Variants in FCHSD2 observed in about 807,000 individuals in gnomAD.
The protein encoded by FCHSD2 is F-BAR and double SH3 domains protein 2.
Under a neutral mutation model 108.1 loss-of-function variants are expected in FCHSD2, and 38 were observed. The ratio of observed to expected loss-of-function variants is 0.35; its 90% confidence interval spans 0.27 to 0.46. FCHSD2 has a LOEUF of 0.46. Ranked by LOEUF, FCHSD2 falls within the 20% of genes least tolerant of loss-of-function variation. The probability of loss-of-function intolerance (pLI) is 1.00; values close to 1 mark genes in which losing one functional copy is unlikely to be tolerated. For missense variants in FCHSD2, 751 were observed against 897.8 expected (o/e 0.84, Z 2.09); for synonymous variants, 279 against 314.7 (o/e 0.89, Z 1.20).
chr11:73,111,909 T>G (rs1183271593), intron 2 of FCHSD2, among the ~76,000 whole-genome samples: 2 of 152,214 alleles, frequency 1.3e-5, no homozygotes, highest in Non-Finnish European at 2.9e-5. Context: ...TCCCCCTATT[T>G]TTAACTTTTG....
intron 2 of FCHSD2, among the ~76,000 whole-genome samples, chr11:73,098,328 T>G (rs1860138837): frequency 6.6e-6 from 1 of 152,200 alleles, no homozygotes; most frequent in Non-Finnish European, 1.5e-5. Context: ...TAAGAATATG[T>G]TTAATTTCTA....
At chr11:73,129,993 C>A (rs1459789251) in intron 2 of FCHSD2, among the ~76,000 whole-genome samples, 2 of 151,190 alleles carry the variant, frequency 1.3e-5, no homozygotes, top group African/African-American at 2.4e-5. Context: ...ATTCTCCTGC[C>A]TTAGCCCCCA....
chr11:73,120,986 C>T (rs1415960611), intron 2 of FCHSD2, among the ~76,000 whole-genome samples: 1 of 152,092 alleles, frequency 6.6e-6, no homozygotes, highest in Non-Finnish European at 1.5e-5. Context: ...TATTGTTCAA[C>T]GTTTGTTTAG....
chr11:72,911,471 C>CTT (rs1855763118), intron 9 of FCHSD2, among the ~76,000 whole-genome samples: 1 of 152,084 alleles, frequency 6.6e-6, no homozygotes, highest in Non-Finnish European at 1.5e-5. Flanking sequence ...TATTCTGGGT[C>CTT]TTTTGTGGTT....
chr11:72,890,599 C>T (rs1267385583), intron 10 of FCHSD2, among the ~76,000 whole-genome samples: 1 of 152,032 alleles, frequency 6.6e-6, no homozygotes, highest in Non-Finnish European at 1.5e-5. Flanking sequence ...AAAGAACAAA[C>T]CACAAAATCT....
chr11:72,966,926 C>T lies in FCHSD2; in HGVS notation c.705+17162G>A, dbSNP rs563136950. 3.8e-3 allele frequency among the ~76,000 whole-genome samples: 579 copies of T among 152,090 alleles called. 5 individuals are homozygous for T. The highest frequency in any genetic ancestry group is 4.5e-3 in the Non-Finnish European group (308 of 67,970). On this transcript the variant is annotated intron_variant, in intron 8 of 19. Transcript: ENST00000409418. ...TATGAGTTAAGAAAGTGGCCGGGCGCGGTGGCTCACGCCTGTAATCCCAGC... is the reference window on the plus strand; with the variant it reads ...TATGAGTTAAGAAAGTGGCCGGGCGTGGTGGCTCACGCCTGTAATCCCAGC...
intron 8 of FCHSD2, among the ~76,000 whole-genome samples, chr11:72,938,036 T>G (rs1856337845): frequency 6.6e-6 from 1 of 152,116 alleles, no homozygotes; most frequent in African/African-American, 2.4e-5. Context: ...AAGTATGACA[T>G]GAATTGAGAT....
chr11:73,130,849 A>G (rs1860979816), intron 2 of FCHSD2, among the ~76,000 whole-genome samples: 1 of 152,198 alleles, frequency 6.6e-6, no homozygotes, highest in Admixed American at 6.5e-5. Context: ...TTTATTAATT[A>G]TAAAATCAGG....
chr11:73,101,741 C>T (rs548713481), intron 2 of FCHSD2, among the ~76,000 whole-genome samples: 2 of 151,640 alleles, frequency 1.3e-5, no homozygotes, highest in African/African-American at 4.8e-5. Flanking sequence ...CCCCCGCCCC[C>T]GAAAAAAACA....
At chr11:73,016,356 A>G (rs1030157328) in intron 3 of FCHSD2, among the ~76,000 whole-genome samples, 56 of 152,030 alleles carry the variant, frequency 3.7e-4, no homozygotes, top group African/African-American at 1.3e-3. Context: ...AACCAAACAA[A>G]CAAAAAACAA....
At chr11:72,987,330 C>T (rs1857329638) in intron 6 of FCHSD2, among the ~76,000 whole-genome samples, 1 of 152,132 alleles carries the variant, frequency 6.6e-6, no homozygotes, top group Non-Finnish European at 1.5e-5. Flanking sequence ...GCAAAATTAA[C>T]CTCTATATTT....
At chr11:72,849,727 A>G in intron 14 of FCHSD2, 28 bp downstream of exon 14, 1 of 1,559,946 alleles carries the variant, frequency 6.4e-7, no homozygotes, top group South Asian at 1.1e-5. Flanking sequence ...ATCAGAATTT[A>G]ATAACATTAT....
At chr11:72,970,593 T>C (rs1291164427) in intron 8 of FCHSD2, among the ~76,000 whole-genome samples, 3 of 152,174 alleles carry the variant, frequency 2.0e-5, no homozygotes, top group East Asian at 1.9e-4. Flanking sequence ...CCAAGATTAA[T>C]GGAGCCACTG....
chr11:73,101,664 T>C (rs536810542), intron 2 of FCHSD2, among the ~76,000 whole-genome samples: 2 of 152,152 alleles, frequency 1.3e-5, no homozygotes, highest in South Asian at 2.1e-4. Flanking sequence ...CTGGAACTCC[T>C]GACTTCAAAC....
chr11:72,884,545 T>C (rs1169157094), intron 12 of FCHSD2, among the ~76,000 whole-genome samples: 1 of 146,320 alleles, frequency 6.8e-6, no homozygotes, highest in African/African-American at 2.6e-5. Context: ...TATAAGATCA[T>C]ATATATAGTT....
chr11:72,858,835 T>TTAA (rs1248463678), intron 13 of FCHSD2, among the ~76,000 whole-genome samples: 2 of 151,990 alleles, frequency 1.3e-5, no homozygotes, highest in Non-Finnish European at 2.9e-5. Context: ...CAAGATGGAG[T>TTAA]ATCAGGGATC....
At chr11:72,842,891 G>A in intron 16 of FCHSD2, 50 bp from the exon 17 acceptor site, 2 of 1,461,346 alleles carry the variant, frequency 1.4e-6, no homozygotes, top group Non-Finnish European at 1.9e-6. Context: ...ACAGCCGGTT[G>A]CTTTTGCAAC....
At chr11:72,846,482 C>G (rs1861147433) in intron 14 of FCHSD2, among the ~76,000 whole-genome samples, 1 of 151,996 alleles carries the variant, frequency 6.6e-6, no homozygotes, top group Non-Finnish European at 1.5e-5. Flanking sequence ...GCCCAGCCCC[C>G]ATTTTGTTCT....
chr11:73,082,877 T>C (rs755147876), intron 3 of FCHSD2, among the ~76,000 whole-genome samples: 18 of 152,206 alleles, frequency 1.2e-4, no homozygotes, highest in Non-Finnish European at 2.2e-4. Context: ...TTAATTCTTA[T>C]ACAACCATAA....
Sources: gnomAD v4.1 joint callset for allele counts (sites outside exome capture counted in the v4.1 genomes callset) on GRCh38, gnomAD v4.1.1 for gene constraint, MANE v1.5 for transcripts, NCBI Gene and HGNC (gene_info 2026-07-23, HGNC 2026-07-21) for gene names.